The following KCNK10 variants were observed in gnomAD, a reference collection of about 807,000 sequenced individuals.
KCNK10 encodes potassium channel subfamily K member 10.
Under a neutral mutation model 47.7 loss-of-function variants are expected in KCNK10, and 25 were observed. The observed-to-expected ratio is 0.52, with a 90% CI of 0.38 to 0.73. The LOEUF (loss-of-function observed/expected upper bound fraction) is 0.73. KCNK10 is among the 30% of genes least tolerant of loss of function. KCNK10 has a pLI of 0.00. For missense variants in KCNK10, 563 were observed against 714.5 expected (o/e 0.79, Z 2.42); for synonymous variants, 303 against 285.6 (o/e 1.06, Z -0.61).
At chr14:88,208,096 T>C (rs1885338983) in intron 4 of KCNK10, among the ~76,000 whole-genome samples, 1 of 152,256 alleles carries the variant, frequency 6.6e-6, no homozygotes, top group African/African-American at 2.4e-5. Flanking sequence ...AAATATTAAC[T>C]ATGACAAACT....
In KCNK10 at chr14:88,182,914, T is replaced by G. The variant is rs1625348; in HGVS notation, c.*2621A>C. On this transcript the variant is annotated 3_prime_UTR_variant, in exon 7 of 7. Transcript: ENST00000319231. ...TACAAAATTTCCAAAACCAAATAAATGTACAGTAGGTGTCTGCAGGGGCAA... is the reference window on the plus strand; with the variant it reads ...TACAAAATTTCCAAAACCAAATAAAGGTACAGTAGGTGTCTGCAGGGGCAA... 0.31 allele frequency: 47,690 copies of G among 152,182 alleles called. 7,923 individuals carry two copies. The highest frequency in any genetic ancestry group is 0.56 in the East Asian group (2,963 of 5,282). The allele number at this position is 152,182 out of a possible 1,614,324, so 9.4% of individuals were successfully genotyped here.
At chr14:88,246,763 C>T (rs1377135933) in intron 2 of KCNK10, among the ~76,000 whole-genome samples, 1 of 152,200 alleles carries the variant, frequency 6.6e-6, no homozygotes. Flanking sequence ...AAAGCGGTAA[C>T]CATTCAGCCT....
chr14:88,303,787 T>C (rs1046473799), intron 1 of KCNK10, among the ~76,000 whole-genome samples: 9 of 152,202 alleles, frequency 5.9e-5, no homozygotes. Flanking sequence ...ATTGCTTCTT[T>C]TTTTTATCAA....
chr14:88,214,779 TCAGAA>T (rs1885567703), intron 4 of KCNK10, among the ~76,000 whole-genome samples: 1 of 152,160 alleles, frequency 6.6e-6, no homozygotes, highest in African/African-American at 2.4e-5. Context: ...GAGCATGAAG[TCAGAA>T]AACTAAAATC....
intron 1 of KCNK10, among the ~76,000 whole-genome samples, chr14:88,265,448 C>G (rs1887226470): frequency 6.6e-6 from 1 of 152,284 alleles, no homozygotes; most frequent in South Asian, 2.1e-4. Flanking sequence ...GAAGGATCCT[C>G]CCCTAGAGCC....
At position 88,292,085 on chromosome 14, in the gene KCNK10, C is replaced by T. The variant is rs10139014; in HGVS notation, c.53-28534G>A. ...GCCAAGAACTCACAAAAGCTGGACA[C>T]CTGCAAGACAGAGACTATTTCATGA... On this transcript the variant is annotated intron_variant, in intron 1 of 6. Coordinates refer to ENST00000319231, the MANE Select transcript of KCNK10 (RefSeq NM_138317.3). Among the ~76,000 whole-genome samples, 1,040 of 152,296 alleles carry T rather than the reference C, an allele frequency of 6.8e-3. 15 individuals are homozygous for T. The highest frequency in any genetic ancestry group is 0.024 in the African/African-American group (999 of 41,562).
chr14:88,194,052 T>C (rs1454253409), intron 4 of KCNK10, among the ~76,000 whole-genome samples: 4 of 152,192 alleles, frequency 2.6e-5, no homozygotes, highest in Non-Finnish European at 5.9e-5. Context: ...GCATCTGGTA[T>C]ATAAAATGGG....
intron 3 of KCNK10, among the ~76,000 whole-genome samples, chr14:88,238,999 G>T (rs418311): frequency 0.94 from 143,780 of 152,164 alleles, 68,273 homozygotes; most frequent in Non-Finnish European, 0.99. Context: ...GGGCATGGTT[G>T]GTGGCACCCC....
rs1241842068 is a variant in KCNK10, at chr14:88,187,985, G to C, written c.993C>G (p.Ser331=). 3.1e-6 allele frequency: 5 copies of C among 1,613,916 alleles called. No homozygotes were observed. Among genetic ancestry groups the C allele is most frequent in the Non-Finnish European group, 4.2e-6 (5 of 1,179,996 alleles). Residue 331 remains serine, a synonymous_variant, in exon 6 of 7, where the codon TCC becomes TCG. Transcript: ENST00000319231. ...SMIGDWLRVL[S]KKTKEEVGEI... is the part of the protein sequence containing the mutation. ...GTCCTACCTCTTCTTTTGTCTTTTTGGACAGAACCCGTAGCCAATCTCCGA... is the reference window on the plus strand; with the variant it reads ...GTCCTACCTCTTCTTTTGTCTTTTTCGACAGAACCCGTAGCCAATCTCCGA...
At chr14:88,240,880 T>C in intron 2 of KCNK10, 60 bp from the exon 3 acceptor site, 1 of 1,030,276 alleles carries the variant, frequency 9.7e-7, no homozygotes, top group Non-Finnish European at 1.4e-6. Flanking sequence ...TTTTTTTTCT[T>C]CAAAAAAAAA....
At chr14:88,222,035 C>T (rs374736204) in intron 4 of KCNK10, among the ~76,000 whole-genome samples, 2 of 152,106 alleles carry the variant, frequency 1.3e-5, no homozygotes, top group South Asian at 2.1e-4. Flanking sequence ...AAACTGGGAA[C>T]AAAAAGAGGC....
chr14:88,273,444 T>A (rs571306453), intron 1 of KCNK10, among the ~76,000 whole-genome samples: 15 of 152,306 alleles, frequency 9.8e-5, no homozygotes, highest in African/African-American at 3.4e-4. Context: ...TCAACAGCAC[T>A]CCTGTTCCAG....
At position 88,199,478 on chromosome 14, in the gene KCNK10, T is replaced by C. The variant is rs190357688; in HGVS notation, c.682-7068A>G. 6.4e-3 allele frequency among the ~76,000 whole-genome samples: 978 copies of C among 152,260 alleles called. 33 individuals carry two copies. Among genetic ancestry groups the C allele is most frequent in the Admixed American group, 0.044 (676 of 15,298 alleles). On this transcript the variant is annotated intron_variant, in intron 4 of 6. Transcript: ENST00000319231. Reference sequence around the variant, plus strand: ...CCATTAAGGAACCCTGAGCCCTGGCTAGAGCTGTCTGGGAAGGACAAGAAC... The same window carrying C: ...CCATTAAGGAACCCTGAGCCCTGGCCAGAGCTGTCTGGGAAGGACAAGAAC...
At chr14:88,206,626 C>T (rs552123639) in intron 4 of KCNK10, among the ~76,000 whole-genome samples, 1 of 152,358 alleles carries the variant, frequency 6.6e-6, no homozygotes, top group African/African-American at 2.4e-5. Context: ...GTCATCAACA[C>T]AACATACCTG....
chr14:88,187,976 T>C lies in KCNK10; in HGVS notation c.1002A>G (p.Thr334=), dbSNP rs757227290. 4.3e-6 allele frequency: 7 copies of C among 1,614,138 alleles called. No homozygotes were observed. The highest frequency in any genetic ancestry group is 2.7e-5 in the African/African-American group (2 of 75,024). The part of the protein sequence containing the change: ...GDWLRVLSKK[T]KEEVGEIKAH... Reference sequence around the variant, plus strand: ...TAGGAAGGGGTCCTACCTCTTCTTTTGTCTTTTTGGACAGAACCCGTAGCC... The same window carrying C: ...TAGGAAGGGGTCCTACCTCTTCTTTCGTCTTTTTGGACAGAACCCGTAGCC... The change falls in exon 6 of 7, where the codon ACA becomes ACG. Residue 334 remains threonine (T), a synonymous_variant. Transcript: ENST00000319231.
At chr14:88,201,756 C>G (rs1282228726) in intron 4 of KCNK10, among the ~76,000 whole-genome samples, 1 of 152,038 alleles carries the variant, frequency 6.6e-6, no homozygotes, top group Non-Finnish European at 1.5e-5. Context: ...TACATTTTTT[C>G]CTCTTAAAAC....
At chr14:88,194,208 G>C (rs143047632) in intron 4 of KCNK10, among the ~76,000 whole-genome samples, 3 of 152,066 alleles carry the variant, frequency 2.0e-5, no homozygotes, top group Non-Finnish European at 4.4e-5. Flanking sequence ...TGAAAGTGTC[G>C]TAACAAGATA....
At chr14:88,228,360 T>C (rs1255719989) in intron 3 of KCNK10, among the ~76,000 whole-genome samples, 2 of 152,218 alleles carry the variant, frequency 1.3e-5, no homozygotes, top group Non-Finnish European at 2.9e-5. Context: ...AAGTAACTTA[T>C]GTACAATGAG....
chr14:88,219,658 G>T (rs1301879303), intron 4 of KCNK10, among the ~76,000 whole-genome samples: 3 of 152,196 alleles, frequency 2.0e-5, no homozygotes, highest in African/African-American at 7.2e-5. Context: ...TTCGCTAACA[G>T]AATTCTAATT....
Sources: gnomAD v4.1 joint callset for allele counts (sites outside exome capture counted in the v4.1 genomes callset) on GRCh38, gnomAD v4.1.1 for gene constraint, MANE v1.5 for transcripts, NCBI Gene and HGNC (gene_info 2026-07-23, HGNC 2026-07-21) for gene names.